Variants in ZSWIM3 observed in about 807,000 individuals in gnomAD.
ZSWIM3 encodes zinc finger SWIM domain-containing protein 3.
ZSWIM3 carries 27 observed loss-of-function variants against 47.5 expected under a neutral mutation model. The observed-to-expected ratio is 0.57, with a 90% CI of 0.42 to 0.78. The LOEUF is 0.78. Among genes scored for constraint, ZSWIM3 ranks in the 30% least tolerant of loss-of-function variants. The probability of loss-of-function intolerance (pLI) is 0.00; values close to 1 mark genes in which losing one functional copy is unlikely to be tolerated. For missense variants in ZSWIM3, 689 were observed against 861.3 expected (o/e 0.80, Z 2.50); for synonymous variants, 333 against 333.9 (o/e 1.00, Z 0.03).
Position 45,876,756 on chromosome 20 carries a change from C to A in ZSWIM3, c.198C>A (p.Asn66Lys), listed in dbSNP as rs1986102430. The A allele has an allele frequency of 1.9e-6, 3 of 1,613,810 alleles. No homozygotes were observed. In the African/African-American group the frequency reaches 4.0e-5, roughly 22 times the overall value. The change falls in exon 2 of 2, where the codon AAC (asparagine) becomes AAA (lysine). Residue 66 changes from asparagine to lysine, a missense_variant. Transcript: ENST00000255152. ...VKFVCIRTQSNRKRTREADMC... is the reference protein window; with the variant it reads ...VKFVCIRTQSKRKRTREADMC... Reference sequence around the variant, plus strand: ...TTGTCTGCATTCGGACCCAATCAAACAGGAAGAGAACGCGGGAGGCAGACA... The same window carrying A: ...TTGTCTGCATTCGGACCCAATCAAAAAGGAAGAGAACGCGGGAGGCAGACA...
At chr20:45,874,250 G>A (rs1447936442) in intron 1 of ZSWIM3, among the ~76,000 whole-genome samples, 1 of 152,168 alleles carries the variant, frequency 6.6e-6, no homozygotes, top group Non-Finnish European at 1.5e-5. Context: ...GGTGGCTCAC[G>A]CCTGTAATCT....
At chr20:45,859,042 A>AT (rs1473946480) in intron 1 of ZSWIM3, among the ~76,000 whole-genome samples, 5 of 151,844 alleles carry the variant, frequency 3.3e-5, no homozygotes, top group African/African-American at 1.2e-4. Flanking sequence ...AGTAGATGCC[A>AT]TCTAATCAGC....
At chr20:45,871,848 G>A (rs906401346) in intron 1 of ZSWIM3, among the ~76,000 whole-genome samples, 2 of 132,102 alleles carry the variant, frequency 1.5e-5, no homozygotes, top group African/African-American at 5.7e-5. Flanking sequence ...GCAACAGAAC[G>A]AATATCTGTC....
At position 45,857,997 on chromosome 20, in the gene ZSWIM3, C is replaced by A; in HGVS notation, c.155+17C>A. 1 of 46,812 alleles carries A rather than the reference C, an allele frequency of 2.1e-5. No individual in the cohort carries two copies. Among genetic ancestry groups the A allele is most frequent in the Non-Finnish European group, 3.1e-5 (1 of 32,416 alleles). The allele number at this position is 46,812 out of a possible 1,614,324, so 2.9% of individuals were successfully genotyped here. A position where few individuals can be genotyped will look rare whatever the true frequency, so the allele number is the denominator to read the frequency against. ...AGACATCCTGTAAGGGCGGGCGGGG[C>A]GGGGCGGGCCAAGAGGGTGGGGAGG... On this transcript the variant is annotated intron_variant, in intron 1 of 1. Coordinates refer to ENST00000255152, the MANE Select transcript of ZSWIM3 (RefSeq NM_080752.4).
At chr20:45,873,033 T>A (rs1051010913) in intron 1 of ZSWIM3, among the ~76,000 whole-genome samples, 1 of 152,122 alleles carries the variant, frequency 6.6e-6, no homozygotes, top group South Asian at 2.1e-4. Flanking sequence ...GCTGGGGCAC[T>A]CCCTGAGGAG....
In ZSWIM3 at chr20:45,857,743, C is replaced by A. The variant is rs1044458471; in HGVS notation, c.-83C>A. The A allele has an allele frequency of 1.2e-5, 18 of 1,522,310 alleles. No individual in the cohort carries two copies. Among genetic ancestry groups the A allele is most frequent in the African/African-American group, 2.8e-5 (2 of 72,240 alleles). The allele number at this position is 1,522,310 out of a possible 1,614,324, so 94.3% of individuals were successfully genotyped here. A position where few individuals can be genotyped will look rare whatever the true frequency, so the allele number is the denominator to read the frequency against. On this transcript the variant is annotated 5_prime_UTR_variant, in exon 1 of 2. Transcript: ENST00000255152. ...TTCTGGGCCCACGCCTGCCTATAAA[C>A]CCTCATAGTGTGACCTTTGACCCCT...
intron 1 of ZSWIM3, among the ~76,000 whole-genome samples, chr20:45,875,840 T>TA (rs1568748994): frequency 9.9e-5 from 15 of 151,846 alleles, no homozygotes; most frequent in African/African-American, 2.9e-4. Context: ...TTTCTTTTTT[T>TA]TAAAAAAAAG....
rs1336286140 is a variant in ZSWIM3, at chr20:45,877,521, T to C, written c.963T>C (p.Ser321=). Residue 321 remains serine (S), a synonymous_variant, in exon 2 of 2, where the codon AGT becomes AGC. Transcript: ENST00000255152. ...TRLLEKKLHR[S]SANPSFKRLM... ...TCTTGGAGAAGAAGTTGCATCGTAGTTCAGCAAATCCATCCTTTAAAAGGC... is the reference window on the plus strand; with the variant it reads ...TCTTGGAGAAGAAGTTGCATCGTAGCTCAGCAAATCCATCCTTTAAAAGGC... 1.2e-6 allele frequency: 2 copies of C among 1,614,188 alleles called. No individual in the cohort carries two copies. Among genetic ancestry groups the C allele is most frequent in the Non-Finnish European group, 1.7e-6 (2 of 1,180,032 alleles).
rs199903165 is a variant in ZSWIM3 at position 45,878,028 on chromosome 20, G to A, written c.1470G>A (p.Ser490=). 38 of 1,613,998 alleles carry A rather than the reference G, an allele frequency of 2.4e-5. No homozygotes were observed. The highest frequency in any genetic ancestry group is 3.3e-5 in the South Asian group (3 of 91,092). ...AGCAGCAGTCACAAGTGCCGCCCTC[G>A]CAGGTTGGCATGCTGGACACCTTGC... ...QVQQQSQVPP[S]QVGMLDTLHQ... is the part of the protein sequence containing the mutation. Residue 490 remains serine (S), a synonymous_variant, in exon 2 of 2, where the codon TCG becomes TCA. Coordinates refer to ENST00000255152, the MANE Select transcript of ZSWIM3 (RefSeq NM_080752.4).
intron 1 of ZSWIM3, among the ~76,000 whole-genome samples, chr20:45,858,967 A>G (rs1985627575): frequency 6.6e-6 from 1 of 152,206 alleles, no homozygotes; most frequent in Non-Finnish European, 1.5e-5. Flanking sequence ...AAGAATGATG[A>G]AATAGCAACC....
chr20:45,858,611 C>T (rs1286213707), intron 1 of ZSWIM3, among the ~76,000 whole-genome samples: 1 of 152,200 alleles, frequency 6.6e-6, no homozygotes, highest in African/African-American at 2.4e-5. Context: ...GACTCCTGGA[C>T]TAAGCGATCT....
Position 45,878,303 on chromosome 20 carries a change from G to A in ZSWIM3, c.1745G>A (p.Arg582His), listed in dbSNP as rs544406910. 7.4e-6 allele frequency: 12 copies of A among 1,614,218 alleles called. No individual in the cohort carries two copies. Among genetic ancestry groups the A allele is most frequent in the East Asian group, 2.2e-5 (1 of 44,888 alleles). Residue 582 changes from arginine (R) to histidine (H), a missense_variant, in exon 2 of 2, where the codon CGC becomes CAC. Arg to His is a conservative substitution (Grantham distance 29). Coordinates refer to ENST00000255152, the MANE Select transcript of ZSWIM3 (RefSeq NM_080752.4). ...QQPVGEAMVC[R>H]RWQKKYQYLL... is the part of the protein sequence containing the mutation. ...CCGGTTGGTGAAGCCATGGTGTGCC[G>A]CCGGTGGCAGAAGAAGTACCAGTAC...
chr20:45,869,771 G>A lies in ZSWIM3; in HGVS notation c.156-6943G>A, dbSNP rs182145865. ...GAAGAAGAAGCCTTTCTTGCCGGGC[G>A]TGGTGGCTCACACCTGTAATCCCAG... On this transcript the variant is annotated intron_variant, in intron 1 of 1. Coordinates refer to ENST00000255152, the MANE Select transcript of ZSWIM3 (RefSeq NM_080752.4). Among the ~76,000 whole-genome samples, 192 of 152,160 alleles carry A rather than the reference G, an allele frequency of 1.3e-3. 1 individual carries two copies. Among genetic ancestry groups the A allele is most frequent in the African/African-American group, 4.4e-3 (182 of 41,526 alleles).
chr20:45,872,828 A>G, intron 1 of ZSWIM3: 1 of 1,280,172 alleles, frequency 7.8e-7, no homozygotes, highest in Non-Finnish European at 1.0e-6. Context: ...CACAATAGGT[A>G]CAGACACTCT....
At position 45,878,864 on chromosome 20, in the gene ZSWIM3, T is replaced by C. The variant is rs1986176324; in HGVS notation, c.*215T>C. 1.6e-6 allele frequency: 1 copy of C among 616,318 alleles called. No homozygotes were observed. The highest frequency in any genetic ancestry group is 2.6e-6 in the Non-Finnish European group (1 of 378,522). 38.2% of individuals were successfully genotyped at this position (616,318 alleles called of 1,614,324 possible). ...CTACTTTTGGCATTCCTTGGGAGCCTCAGTTGTTGTTCAAGGCCAAAGTTA... is the reference window on the plus strand; with the variant it reads ...CTACTTTTGGCATTCCTTGGGAGCCCCAGTTGTTGTTCAAGGCCAAAGTTA... On this transcript the variant is annotated 3_prime_UTR_variant, in exon 2 of 2. Coordinates refer to ENST00000255152, the MANE Select transcript of ZSWIM3 (RefSeq NM_080752.4).
chr20:45,867,052 G>A (rs1438232478), intron 1 of ZSWIM3, among the ~76,000 whole-genome samples: 2 of 135,732 alleles, frequency 1.5e-5, no homozygotes, highest in African/African-American at 5.4e-5. Flanking sequence ...TGTCACCCAG[G>A]CTGGAGTGCA....
chr20:45,858,393 T>C (rs1329611108), intron 1 of ZSWIM3, among the ~76,000 whole-genome samples: 1 of 152,220 alleles, frequency 6.6e-6, no homozygotes, highest in African/African-American at 2.4e-5. Flanking sequence ...TTAGTTCTTA[T>C]ATATTTGTTG....
In ZSWIM3 at chr20:45,877,926, T is replaced by C; in HGVS notation, c.1368T>C (p.Ala456=). The C allele has an allele frequency of 1.9e-6, 3 of 1,614,116 alleles. No homozygotes were observed. Among genetic ancestry groups the C allele is most frequent in the South Asian group, 1.1e-5 (1 of 91,078 alleles). Residue 456 remains alanine (A), a synonymous_variant, in exon 2 of 2, where the codon GCT becomes GCC. Coordinates refer to ENST00000255152, the MANE Select transcript of ZSWIM3 (RefSeq NM_080752.4). ...GCATGCCACTGAAGTCCAAGAAGGC[T>C]TTTGGAATCTGTGGAGAGAGCCTTA... The part of the protein sequence containing the change: ...PASMPLKSKK[A]FGICGESLTS...
Position 45,872,665 on chromosome 20 carries a change from T to C in ZSWIM3, c.156-4049T>C, listed in dbSNP as rs1230817235. 1.0e-5 allele frequency: 13 copies of C among 1,254,942 alleles called. No homozygotes were observed. In the East Asian group the frequency reaches 7.3e-4, roughly 70 times the overall value. 77.7% of individuals were successfully genotyped at this position (1,254,942 alleles called of 1,614,324 possible). ...ACACAAAGTTGTAGGCATTTTGTCT[T>C]TCTAGGACACAAAAAACAAGGTGAT... is the stretch of plus-strand genomic sequence containing the variant. On this transcript the variant is annotated intron_variant, in intron 1 of 1. Transcript: ENST00000255152.
Sources: allele counts gnomAD v4.1 joint callset (sites outside exome capture counted in the v4.1 genomes callset), GRCh38; gene constraint gnomAD v4.1.1; transcripts MANE v1.5; gene names NCBI Gene and HGNC (gene_info 2026-07-23, HGNC 2026-07-21).